Variants in PIGK observed in about 807,000 individuals in gnomAD.
PIGK encodes phosphatidylinositol glycan anchor biosynthesis class K.
A neutral mutation model predicts 50.6 loss-of-function variants in PIGK; 42 were observed. That is an observed-to-expected ratio of 0.83 (90% CI 0.65 to 1.07). PIGK has a LOEUF of 1.07. Ranked by LOEUF, PIGK falls within the 50% of genes least tolerant of loss-of-function variation. The probability of loss-of-function intolerance (pLI) is 0.00; values close to 1 mark genes in which losing one functional copy is unlikely to be tolerated. For missense variants in PIGK, 448 were observed against 488.7 expected (o/e 0.92, Z 0.78); for synonymous variants, 151 against 156.0 (o/e 0.97, Z 0.24).
intron 3 of PIGK, among the ~76,000 whole-genome samples, chr1:77,177,347 G>A (rs1655510330): frequency 6.6e-6 from 1 of 152,198 alleles, no homozygotes; most frequent in Admixed American, 6.5e-5. Flanking sequence ...AAGGTTGTGG[G>A]TTTACCAGAA....
At chr1:77,160,377 G>A (rs1655106107) in intron 8 of PIGK, among the ~76,000 whole-genome samples, 1 of 152,036 alleles carries the variant, frequency 6.6e-6, no homozygotes, top group Non-Finnish European at 1.5e-5. Context: ...TATAGCAGTG[G>A]GCTTCAGAAT....
Position 77,113,717 on chromosome 1 carries a change from C to G in PIGK, c.1071+8558G>C, listed in dbSNP as rs143025132. On this transcript the variant is annotated intron_variant, in intron 10 of 10. Transcript: ENST00000370812. ...TGGTGGCTAGATTATCCAGATAGTT[C>G]AAAAATGCCTATTAAATTCTTAAGG... Among the ~76,000 whole-genome samples the G allele has an allele frequency of 1.0e-3, 154 of 152,212 alleles. 2 individuals carry two copies. The highest frequency in any genetic ancestry group is 3.5e-3 in the African/African-American group (145 of 41,542).
At chr1:77,174,459 G>T (rs1655436228) in intron 3 of PIGK, among the ~76,000 whole-genome samples, 1 of 152,166 alleles carries the variant, frequency 6.6e-6, no homozygotes, top group African/African-American at 2.4e-5. Flanking sequence ...GTTCTGTTTT[G>T]TATTGCTTTA....
At chr1:77,097,069 G>A (rs1341524635) in intron 10 of PIGK, among the ~76,000 whole-genome samples, 1 of 151,724 alleles carries the variant, frequency 6.6e-6, no homozygotes, top group East Asian at 1.9e-4. Context: ...TATACACCAT[G>A]GAATACTATG....
rs778588297 is a variant in PIGK, at chr1:77,219,398, G to A, written c.5C>T (p.Ala2Val). Residue 2 changes from alanine (A) to valine (V), a missense_variant, in exon 1 of 11, where the codon GCC becomes GTC. Transcript: ENST00000370812. MAVTDSLSRAAT... is the reference protein window; with the variant it reads MVVTDSLSRAAT... ...AGCCCGGCTGAGGCTGTCGGTGACG[G>A]CCATGTTTACCGGCTTCAGACTTCC... 5 of 1,613,126 alleles carry A rather than the reference G, an allele frequency of 3.1e-6. No individual in the cohort carries two copies. The highest frequency in any genetic ancestry group is 4.2e-6 in the Non-Finnish European group (5 of 1,179,460).
At chr1:77,188,334 C>G (rs923287744) in intron 3 of PIGK, among the ~76,000 whole-genome samples, 3 of 152,118 alleles carry the variant, frequency 2.0e-5, no homozygotes, top group East Asian at 3.9e-4. Flanking sequence ...AACAGCCCCC[C>G]CAGGTGCGCC....
intron 10 of PIGK, among the ~76,000 whole-genome samples, chr1:77,110,362 C>T (rs1410857189): frequency 1.3e-5 from 2 of 152,080 alleles, no homozygotes; most frequent in Non-Finnish European, 2.9e-5. Context: ...TCAAACTATA[C>T]TACAAGGCTA....
chr1:77,095,493 T>C (rs1342558765), intron 10 of PIGK, among the ~76,000 whole-genome samples: 1 of 151,994 alleles, frequency 6.6e-6, no homozygotes, highest in Non-Finnish European at 1.5e-5. Flanking sequence ...GCAGCCAGAG[T>C]TGTGTAACTC....
chr1:77,113,301 A>G (rs1301445510), intron 10 of PIGK, among the ~76,000 whole-genome samples: 1 of 152,168 alleles, frequency 6.6e-6, no homozygotes, highest in Non-Finnish European at 1.5e-5. Context: ...ACTACCAAGT[A>G]TCTTAATATT....
intron 3 of PIGK, among the ~76,000 whole-genome samples, chr1:77,199,739 C>A (rs1656118739): frequency 6.6e-6 from 1 of 151,942 alleles, no homozygotes. Flanking sequence ...GAAAAGAACA[C>A]AAGATATTCT....
At chr1:77,119,921 T>C (rs904273713) in intron 10 of PIGK, among the ~76,000 whole-genome samples, 1 of 151,958 alleles carries the variant, frequency 6.6e-6, no homozygotes, top group African/African-American at 2.4e-5. Context: ...GAGATATGTA[T>C]ACATAGTACA....
In PIGK at chr1:77,120,508, C is replaced by A. The variant is rs570490630; in HGVS notation, c.1071+1767G>T. 3.8e-3 allele frequency among the ~76,000 whole-genome samples: 572 copies of A among 152,304 alleles called. 5 individuals carry two copies. Among genetic ancestry groups the A allele is most frequent in the African/African-American group, 0.013 (542 of 41,568 alleles). Reference sequence around the variant, plus strand: ...GGGCTGGGATTATAGGCATGGGATACCACGTGCCCGGCCAAAATTTGCTTT... The same window carrying A: ...GGGCTGGGATTATAGGCATGGGATAACACGTGCCCGGCCAAAATTTGCTTT... On this transcript the variant is annotated intron_variant, in intron 10 of 10. Coordinates refer to ENST00000370812, the MANE Select transcript of PIGK (RefSeq NM_005482.3).
intron 10 of PIGK, among the ~76,000 whole-genome samples, chr1:77,117,090 G>A (rs1278257467): frequency 6.6e-6 from 1 of 152,080 alleles, no homozygotes; most frequent in Non-Finnish European, 1.5e-5. Context: ...TCATTGTCTT[G>A]CTCCAATTTG....
In PIGK at chr1:77,099,701, T is replaced by C. The variant is rs1502527; in HGVS notation, c.1072-7211A>G. 6.5e-3 allele frequency among the ~76,000 whole-genome samples: 989 copies of C among 152,290 alleles called. 11 individuals carry two copies. The highest frequency in any genetic ancestry group is 0.023 in the African/African-American group (941 of 41,564). ...TTTTACTTACAATCAAGTGACAAAA[T>C]TGGTATAATTATTGCATTTGGCAGT... On this transcript the variant is annotated intron_variant, in intron 10 of 10. Transcript: ENST00000370812.
At chr1:77,205,012 T>C (rs922608963) in intron 3 of PIGK, among the ~76,000 whole-genome samples, 2 of 152,144 alleles carry the variant, frequency 1.3e-5, no homozygotes, top group African/African-American at 4.8e-5. Context: ...AGAAATAAGC[T>C]TTTAAATAAC....
intron 9 of PIGK, among the ~76,000 whole-genome samples, chr1:77,132,621 T>C (rs1213571825): frequency 6.6e-6 from 1 of 152,050 alleles, no homozygotes; most frequent in Non-Finnish European, 1.5e-5. Context: ...ATTATTTTAA[T>C]TGATATATTT....
At chr1:77,198,924 C>G (rs1656093694) in intron 3 of PIGK, among the ~76,000 whole-genome samples, 1 of 151,854 alleles carries the variant, frequency 6.6e-6, no homozygotes, top group Admixed American at 6.6e-5. Context: ...CAAGACCATT[C>G]TAAAAAAGAA....
intron 10 of PIGK, among the ~76,000 whole-genome samples, chr1:77,099,767 G>C (rs2100510266): frequency 6.6e-6 from 1 of 152,162 alleles, no homozygotes; most frequent in Non-Finnish European, 1.5e-5. Flanking sequence ...AGCATATCTT[G>C]TAATTTCATT....
intron 10 of PIGK, among the ~76,000 whole-genome samples, chr1:77,120,841 T>G (rs1240422880): frequency 6.6e-6 from 1 of 152,204 alleles, no homozygotes; most frequent in Non-Finnish European, 1.5e-5. Flanking sequence ...TAATTCAGTG[T>G]TAAAATTAAC....
Sources: allele counts gnomAD v4.1 joint callset (sites outside exome capture counted in the v4.1 genomes callset), GRCh38; gene constraint gnomAD v4.1.1; transcripts MANE v1.5; gene names NCBI Gene and HGNC (gene_info 2026-07-23, HGNC 2026-07-21).